The following PTPRJ variants were observed in gnomAD, a reference collection of about 807,000 sequenced individuals.
The protein encoded by PTPRJ is receptor-type tyrosine-protein phosphatase eta.
A neutral mutation model predicts 141.3 loss-of-function variants in PTPRJ; 129 were observed. The observed-to-expected ratio is 0.91, with a 90% CI of 0.79 to 1.06. The LOEUF (loss-of-function observed/expected upper bound fraction) is 1.06, where lower values mean the gene tolerates loss of function less well. PTPRJ is among the 50% of genes least tolerant of loss of function. The pLI, the probability that PTPRJ is intolerant of heterozygous loss-of-function variation, is 0.00. For synonymous variants in PTPRJ, 610 were observed against 640.5 expected, an observed-to-expected ratio of 0.95 and a Z score of 0.72; for missense variants, 1,601 against 1,679.7, an observed-to-expected ratio of 0.95 and a Z score of 0.82.
Position 48,164,282 on chromosome 11 carries a change from C to A in PTPRJ, c.3720-98C>A, listed in dbSNP as rs1431869593. 2.1e-6 allele frequency: 3 copies of A among 1,457,858 alleles called. No individual in the cohort carries two copies. The African/African-American group carries it at 4.2e-5, about 21-fold the overall frequency. 90.3% of individuals were successfully genotyped at this position (1,457,858 alleles called of 1,614,324 possible). Reference sequence around the variant, plus strand: ...CCTGTGCATTGCCCTCAAAGTGTGACAGTGAAGGAAAGCAAGATATATGTA... The same window carrying A: ...CCTGTGCATTGCCCTCAAAGTGTGAAAGTGAAGGAAAGCAAGATATATGTA... On this transcript the variant is annotated intron_variant, in intron 23 of 24. Coordinates refer to ENST00000418331, the MANE Select transcript of PTPRJ (RefSeq NM_002843.4).
intron 1 of PTPRJ, among the ~76,000 whole-genome samples, chr11:48,068,928 T>A (rs1855157594): frequency 6.6e-6 from 1 of 152,222 alleles, no homozygotes; most frequent in Non-Finnish European, 1.5e-5. Flanking sequence ...TATATCCTGA[T>A]GTCTGCTGAT....
rs1854201159 is a variant in PTPRJ, at chr11:47,991,883, CATGAAAA to C, written c.96+10877_96+10883del. Among the ~76,000 whole-genome samples, 3 of 152,202 alleles carry C rather than the reference CATGAAAA, an allele frequency of 2.0e-5. No homozygotes were observed. The South Asian group carries it at 6.2e-4, about 32-fold the overall frequency. On this transcript the variant is annotated intron_variant, in intron 1 of 24. Transcript: ENST00000418331. The stretch of plus-strand genomic sequence containing the variant: ...ATGGATCTGCATGACAAATGCTTAG[CATGAAAA>C]AATCCCTCAACAGATATTGGCTGCT...
chr11:48,065,417 T>G, intron 1 of PTPRJ, among the ~76,000 whole-genome samples: 1 of 152,186 alleles, frequency 6.6e-6, no homozygotes, highest in South Asian at 2.1e-4. Context: ...ATCTGCCTTC[T>G]TCTTGTCTTC....
intron 1 of PTPRJ, among the ~76,000 whole-genome samples, chr11:48,016,838 T>G (rs982074879): frequency 1.5e-4 from 23 of 152,164 alleles, no homozygotes; most frequent in African/African-American, 5.6e-4. Context: ...ATAGTCACCA[T>G]GGTAAACTTT....
At chr11:48,104,297 C>T (rs530211979) in intron 1 of PTPRJ, among the ~76,000 whole-genome samples, 2 of 152,264 alleles carry the variant, frequency 1.3e-5, no homozygotes, top group African/African-American at 2.4e-5. Context: ...AATGATTTAC[C>T]TTAGAGGAGC....
chr11:48,073,087 A>G (rs1032222846), intron 1 of PTPRJ, among the ~76,000 whole-genome samples: 1 of 152,202 alleles, frequency 6.6e-6, no homozygotes, highest in African/African-American at 2.4e-5. Flanking sequence ...CAGTCTTACG[A>G]TGGGGGTGGT....
rs571250152 is a variant in PTPRJ, at chr11:48,132,658, G to A, written c.1615+1942G>A. ...GTATACATATGTAACAAACCTGCAC[G>A]TTGTGCACATGTACCCTAGAACTTA... On this transcript the variant is annotated intron_variant, in intron 8 of 24. Transcript: ENST00000418331. 26 of 855,880 alleles carry A rather than the reference G, an allele frequency of 3.0e-5. No individual in the cohort carries two copies. In the Admixed American group the frequency reaches 3.1e-4, roughly 10 times the overall value. The allele number at this position is 855,880 out of a possible 1,614,324, so 53.0% of individuals were successfully genotyped here.
At chr11:48,104,315 A>G (rs1856233230) in intron 1 of PTPRJ, among the ~76,000 whole-genome samples, 5 of 152,176 alleles carry the variant, frequency 3.3e-5, no homozygotes, top group Admixed American at 1.3e-4. Context: ...AGCCAGTTTT[A>G]TAGGGAGTTG....
At chr11:48,061,525 G>A (rs1232880245) in intron 1 of PTPRJ, among the ~76,000 whole-genome samples, 2 of 152,190 alleles carry the variant, frequency 1.3e-5, no homozygotes, top group Non-Finnish European at 2.9e-5. Context: ...TCCTGTAAGG[G>A]AGATACTATC....
At chr11:48,036,157 C>T (rs1407718524) in intron 1 of PTPRJ, among the ~76,000 whole-genome samples, 1 of 152,226 alleles carries the variant, frequency 6.6e-6, no homozygotes, top group Non-Finnish European at 1.5e-5. Context: ...ATTCTCATCT[C>T]TTCTGATCCT....
intron 1 of PTPRJ, among the ~76,000 whole-genome samples, chr11:47,986,258 G>C (rs1037751651): frequency 6.6e-6 from 1 of 152,194 alleles, no homozygotes; most frequent in Non-Finnish European, 1.5e-5. Flanking sequence ...ATAGACTGGG[G>C]TCTGGGATGG....
At chr11:48,056,893 G>A (rs1188550870) in intron 1 of PTPRJ, among the ~76,000 whole-genome samples, 1 of 152,240 alleles carries the variant, frequency 6.6e-6, no homozygotes, top group Non-Finnish European at 1.5e-5. Context: ...GGAGGAGGTT[G>A]CAGTGAGCCG....
intron 1 of PTPRJ, among the ~76,000 whole-genome samples, chr11:48,033,981 G>A (rs945769553): frequency 2.0e-5 from 3 of 152,252 alleles, no homozygotes; most frequent in African/African-American, 7.2e-5. Flanking sequence ...ACTGGGGCAT[G>A]TGAGGAACAG....
intron 1 of PTPRJ, among the ~76,000 whole-genome samples, chr11:48,032,351 A>T (rs1159697640): frequency 1.5e-4 from 23 of 152,246 alleles, no homozygotes; most frequent in Admixed American, 1.5e-3. Flanking sequence ...CTGAGCGGCT[A>T]CAGAGGACTT....
intron 12 of PTPRJ, among the ~76,000 whole-genome samples, chr11:48,144,183 A>G (rs1857298869): frequency 1.3e-5 from 2 of 152,184 alleles, no homozygotes; most frequent in African/African-American, 4.8e-5. Context: ...ACCTGTGGCA[A>G]AATTTCAAAA....
intron 1 of PTPRJ, among the ~76,000 whole-genome samples, chr11:48,061,764 A>AC (rs770133877): frequency 9.3e-5 from 14 of 151,162 alleles, no homozygotes; most frequent in East Asian, 1.9e-4. Context: ...GGGGAAAAAT[A>AC]CCCCCCCTAC....
intron 2 of PTPRJ, among the ~76,000 whole-genome samples, chr11:48,112,180 C>T (rs1040152794): frequency 7.2e-5 from 11 of 152,164 alleles, no homozygotes; most frequent in African/African-American, 2.7e-4. Flanking sequence ...AGGACACTTG[C>T]TAGAAGTCAG....
At chr11:48,157,312 G>T (rs1857637422) in intron 21 of PTPRJ, among the ~76,000 whole-genome samples, 1 of 152,152 alleles carries the variant, frequency 6.6e-6, no homozygotes, top group Admixed American at 6.5e-5. Flanking sequence ...ATAAAATTCT[G>T]CATTTCCATG....
chr11:48,058,932 T>C (rs1007341946), intron 1 of PTPRJ, among the ~76,000 whole-genome samples: 1 of 151,892 alleles, frequency 6.6e-6, no homozygotes, highest in African/African-American at 2.4e-5. Flanking sequence ...CTGGCCCTGG[T>C]AGTTTCTAGA....
Sources: allele counts gnomAD v4.1 joint callset (sites outside exome capture counted in the v4.1 genomes callset), GRCh38; gene constraint gnomAD v4.1.1; transcripts MANE v1.5; gene names NCBI Gene and HGNC (gene_info 2026-07-23, HGNC 2026-07-21).